The following WWOX variants were observed in gnomAD, a reference collection of about 807,000 sequenced individuals.
The protein encoded by WWOX is WW domain containing oxidoreductase.
In WWOX, 69 loss-of-function variants were observed where a neutral mutation model predicts 46.2. The observed-to-expected ratio is 1.49, with a 90% CI of 1.23 to 1.82. The LOEUF (loss-of-function observed/expected upper bound fraction) is 1.82, where lower values mean the gene tolerates loss of function less well. WWOX is among the 40% of genes most tolerant of loss of function. The pLI is 0.00. For synonymous variants in WWOX, 359 were observed against 202.6 expected, an observed-to-expected ratio of 1.77 and a Z score of -6.56; for missense variants, 919 against 542.6, an observed-to-expected ratio of 1.69 and a Z score of -6.89.
At chr16:78,461,366 AAAACAAAC>A (rs373761680) in intron 8 of WWOX, among the ~76,000 whole-genome samples, 199 of 152,270 alleles carry the variant, frequency 1.3e-3, no homozygotes, top group African/African-American at 4.5e-3. Context: ...AAAGGGAGAA[AAAACAAAC>A]AAACAAACAA....
chr16:78,878,623 C>T (rs1304106664), intron 8 of WWOX, among the ~76,000 whole-genome samples: 1 of 151,190 alleles, frequency 6.6e-6, no homozygotes, highest in Non-Finnish European at 1.5e-5. Context: ...GTATGAAGAA[C>T]CTAGCACACT....
intron 4 of WWOX, among the ~76,000 whole-genome samples, chr16:78,133,023 A>C (rs2033657014): frequency 6.6e-6 from 1 of 152,192 alleles, no homozygotes; most frequent in Non-Finnish European, 1.5e-5. Context: ...TTGGATCTAC[A>C]AATTCCAAGC....
intron 8 of WWOX, among the ~76,000 whole-genome samples, chr16:78,631,081 G>C (rs191138201): frequency 1.3e-5 from 2 of 152,088 alleles, no homozygotes; most frequent in African/African-American, 4.8e-5. Context: ...GATTTAAAGT[G>C]TACAGGAGCA....
At chr16:78,648,362 C>T (rs1207347593) in intron 8 of WWOX, among the ~76,000 whole-genome samples, 1 of 152,164 alleles carries the variant, frequency 6.6e-6, no homozygotes, top group Admixed American at 6.5e-5. Flanking sequence ...AGCCGGCTCC[C>T]CTGCACTTAC....
At position 78,107,920 on chromosome 16, in the gene WWOX, A is replaced by G. The variant is rs2032253343; in HGVS notation, c.108-503A>G. ...AACAAATACACAGCAAAATGCCTCT[A>G]GATTTATTTATTTATTTATTTATTT... On this transcript the variant is annotated intron_variant, in intron 1 of 8. Transcript: ENST00000566780. Among the ~76,000 whole-genome samples, 5 of 152,094 alleles carry G rather than the reference A, an allele frequency of 3.3e-5. No individual in the cohort carries two copies. In the South Asian group the frequency reaches 1.0e-3, roughly 32 times the overall value.
intron 5 of WWOX, among the ~76,000 whole-genome samples, chr16:78,210,787 C>T (rs1023222143): frequency 6.6e-6 from 1 of 152,192 alleles, no homozygotes; most frequent in Non-Finnish European, 1.5e-5. Flanking sequence ...AATGTTAGGT[C>T]TACCCAGTTA....
At chr16:78,135,175 A>G (rs1445248237) in intron 4 of WWOX, among the ~76,000 whole-genome samples, 3 of 152,170 alleles carry the variant, frequency 2.0e-5, no homozygotes, top group Non-Finnish European at 4.4e-5. Context: ...ATGCAGAGAA[A>G]ACTCACCCAC....
intron 8 of WWOX, among the ~76,000 whole-genome samples, chr16:78,767,034 A>G (rs2049939101): frequency 6.6e-6 from 1 of 151,830 alleles, no homozygotes; most frequent in African/African-American, 2.4e-5. Context: ...GCATATATCA[A>G]AATTTCTTTC....
chr16:78,935,884 C>T lies in WWOX; in HGVS notation c.1057-275724C>T, dbSNP rs1347158312. On this transcript the variant is annotated intron_variant, in intron 8 of 8. Coordinates refer to ENST00000566780, the MANE Select transcript of WWOX (RefSeq NM_016373.4). ...CTCACATCACACCACTGCACTTCGG[C>T]CTGGGTGACAGAGTGAGACCCTGTC... Among the ~76,000 whole-genome samples, 4 of 151,924 alleles carry T rather than the reference C, an allele frequency of 2.6e-5. No homozygotes were observed. The East Asian group carries it at 7.7e-4, about 29-fold the overall frequency.
At chr16:78,940,802 C>A (rs182498815) in intron 8 of WWOX, among the ~76,000 whole-genome samples, 95 of 151,356 alleles carry the variant, frequency 6.3e-4, no homozygotes, top group African/African-American at 2.1e-3. Flanking sequence ...TTATCCTGGT[C>A]CTTAGAGTCT....
intron 8 of WWOX, among the ~76,000 whole-genome samples, chr16:79,157,992 C>T (rs549537471): frequency 2.6e-5 from 4 of 152,202 alleles, no homozygotes; most frequent in African/African-American, 9.6e-5. Flanking sequence ...GGTGTAAGTT[C>T]TGGATTGGTT....
intron 8 of WWOX, among the ~76,000 whole-genome samples, chr16:78,691,059 C>T (rs566619730): frequency 6.6e-6 from 1 of 152,204 alleles, no homozygotes; most frequent in South Asian, 2.1e-4. Flanking sequence ...TGAGTTCTGA[C>T]TTCATAAAAT....
intron 8 of WWOX, chr16:79,017,429 C>CAAAAAAAAAAAAAAGAA (rs2047438292): frequency 2.6e-5 from 1 of 39,120 alleles, no homozygotes; most frequent in Non-Finnish European, 4.6e-5. Context: ...GAATCCATCT[C>CAAAAAAAAAAAAAAGAA]AAAAAAAAAA....
At chr16:78,406,263 T>G (rs1453539585) in intron 6 of WWOX, among the ~76,000 whole-genome samples, 1 of 139,278 alleles carries the variant, frequency 7.2e-6, no homozygotes, top group Admixed American at 7.6e-5. Context: ...TTTGTGAGGA[T>G]GATGATATAA....
Position 78,543,236 on chromosome 16 carries a change from A to T in WWOX, c.1056+110484A>T, listed in dbSNP as rs1475324444. ...GTTAGGGCGAGTCACAACAGCAATT[A>T]AATGGTTTGGTCTGAAGTGTCACGA... On this transcript the variant is annotated intron_variant, in intron 8 of 8. Transcript: ENST00000566780. 2.0e-5 allele frequency among the ~76,000 whole-genome samples: 3 copies of T among 152,282 alleles called. No homozygotes were observed. The East Asian group carries it at 5.8e-4, about 29-fold the overall frequency.
At chr16:78,424,101 TC>T (rs1273767613) in intron 6 of WWOX, among the ~76,000 whole-genome samples, 6,057 of 142,720 alleles carry the variant, frequency 0.042, 138 homozygotes, top group African/African-American at 0.062. Context: ...TCTTTTCTTT[TC>T]TTTTCTTTTT....
chr16:78,861,185 T>A (rs1275181449), intron 8 of WWOX, among the ~76,000 whole-genome samples: 1 of 152,094 alleles, frequency 6.6e-6, no homozygotes, highest in Non-Finnish European at 1.5e-5. Flanking sequence ...TTTGCTTCTT[T>A]CCTTTTTTCC....
intron 8 of WWOX, among the ~76,000 whole-genome samples, chr16:78,477,698 G>A (rs888698740): frequency 1.3e-5 from 2 of 151,960 alleles, no homozygotes; most frequent in Non-Finnish European, 2.9e-5. Flanking sequence ...ATGGCAATTA[G>A]GAAAGATAAT....
intron 8 of WWOX, among the ~76,000 whole-genome samples, chr16:78,970,171 C>T (rs978593880): frequency 6.6e-6 from 1 of 152,154 alleles, no homozygotes; most frequent in Non-Finnish European, 1.5e-5. Flanking sequence ...CTCTACCCCA[C>T]ACATCCTCCT....
Sources: gnomAD v4.1 joint callset for allele counts (sites outside exome capture counted in the v4.1 genomes callset) on GRCh38, gnomAD v4.1.1 for gene constraint, MANE v1.5 for transcripts, NCBI Gene and HGNC (gene_info 2026-07-23, HGNC 2026-07-21) for gene names.